ANO7: variants seen among roughly 807,000 people sequenced by gnomAD.
ANO7 encodes anoctamin 7.
ANO7 carries 114 observed loss-of-function variants against 115.8 expected under a neutral mutation model. That is an observed-to-expected ratio of 0.98 (90% CI 0.85 to 1.15). The LOEUF (loss-of-function observed/expected upper bound fraction) is 1.15, where lower values mean the gene tolerates loss of function less well. Among genes scored for constraint, ANO7 ranks in the 50% most tolerant of loss-of-function variants. The pLI is 0.00. For synonymous variants in ANO7, 550 were observed against 498.2 expected (o/e 1.10, Z -1.38); for missense variants, 1,302 against 1,201.2 (o/e 1.08, Z -1.24).
chr2:241,212,324 G>C, intron 16 of ANO7, 119 bp downstream of exon 16: 1 of 1,090,418 alleles, frequency 9.2e-7, no homozygotes, highest in Non-Finnish European at 1.4e-6. Context: ...GGACGGAACC[G>C]GAGACCCAGG....
At chr2:241,196,877 G>C (rs987829400) in intron 4 of ANO7, among the ~76,000 whole-genome samples, 1 of 120,320 alleles carries the variant, frequency 8.3e-6, no homozygotes, top group Non-Finnish European at 1.8e-5. Flanking sequence ...GTGTGTGTGT[G>C]TGTGTGTCCT....
Position 241,216,198 on chromosome 2 carries a change from T to C in ANO7, c.1932T>C (p.Leu644=). 6.2e-7 allele frequency: 1 copy of C among 1,612,232 alleles called. No individual in the cohort carries two copies. The highest frequency in any genetic ancestry group is 8.5e-7 in the Non-Finnish European group (1 of 1,179,508). ...SQGPWEDDYE[L]VPCEGLFDEY... ...GGCCCTGGGAGGACGACTATGAGCT[T>C]GTGCCCTGTGAGGGTCTGTTTGACG... Residue 644 remains leucine, a synonymous_variant, in exon 19 of 25, where the codon CTT becomes CTC. Transcript: ENST00000674324.
rs751688560 is a variant in ANO7, at chr2:241,203,488, C to T, written c.879C>T (p.Phe293=). 1.8e-5 allele frequency: 28 copies of T among 1,520,536 alleles called. No individual in the cohort carries two copies. The Admixed American group carries it at 2.7e-4, about 14-fold the overall frequency. The allele number at this position is 1,520,536 out of a possible 1,614,324, so 94.2% of individuals were successfully genotyped here. Residue 293 remains phenylalanine (F), a synonymous_variant, in exon 9 of 25, where the codon TTC becomes TTT. Coordinates refer to ENST00000674324, the MANE Select transcript of ANO7 (RefSeq NM_001370694.2). The surrounding 1 kb of genome is among the most constrained non-coding windows in gnomAD (Gnocchi z 4.8). ...RYFGEKVALY[F]AWLGFYTGWL... ...TCGGGGAGAAGGTGGCCCTCTACTTCGCCTGGCTCGGTGAGTCCCCCCCGC... is the reference window on the plus strand; with the variant it reads ...TCGGGGAGAAGGTGGCCCTCTACTTTGCCTGGCTCGGTGAGTCCCCCCCGC...
intron 21 of ANO7, among the ~76,000 whole-genome samples, 198 bp from the exon 22 acceptor site, chr2:241,222,988 C>T (rs1008005804): frequency 2.6e-5 from 4 of 152,280 alleles, no homozygotes; most frequent in Middle Eastern, 3.4e-3. Flanking sequence ...CCTTTGGAAC[C>T]CACCAGTTAA....
intron 15 of ANO7, 60 bp from the exon 16 acceptor site, chr2:241,212,034 G>T (rs2068729521): frequency 1.4e-6 from 2 of 1,381,244 alleles, no homozygotes; most frequent in Non-Finnish European, 2.1e-6. Context: ...AGGAGAGGGG[G>T]CCCCTAGTTG....
rs1009728403 is a variant in ANO7, at chr2:241,224,702, C to G, written c.*549C>G. On this transcript the variant is annotated 3_prime_UTR_variant, in exon 25 of 25. Transcript: ENST00000674324. ...GCCACAGCAAAGGTCTGTTGAACCC[C>G]TCCCTCCATTCCCAGTTATCTGGGT... 6.5e-6 allele frequency: 1 copy of G among 153,690 alleles called. No individual in the cohort carries two copies. The highest frequency in any genetic ancestry group is 2.4e-5 in the African/African-American group (1 of 41,478). 9.5% of individuals were successfully genotyped at this position (153,690 alleles called of 1,614,324 possible).
Position 241,193,286 on chromosome 2 carries a change from T to A in ANO7, c.166+2035T>A, listed in dbSNP as rs145206670. On this transcript the variant is annotated intron_variant, in intron 3 of 24. Transcript: ENST00000674324. Reference sequence around the variant, plus strand: ...GGTTTCGCCATGTTGGTTGGGCAGGTCTTGAACTCCTGACCTCAGGTGATC... The same window carrying A: ...GGTTTCGCCATGTTGGTTGGGCAGGACTTGAACTCCTGACCTCAGGTGATC... Among the ~76,000 whole-genome samples, 222 of 152,224 alleles carry A rather than the reference T, an allele frequency of 1.5e-3. 1 individual carries two copies. Among genetic ancestry groups the A allele is most frequent in the African/African-American group, 5.2e-3 (214 of 41,542 alleles).
At chr2:241,202,111 G>C (rs1477229397) in intron 7 of ANO7, 83 bp from the exon 8 acceptor site, 2 of 1,189,092 alleles carry the variant, frequency 1.7e-6, no homozygotes, top group Middle Eastern at 1.9e-4. Flanking sequence ...CCATGGCCTT[G>C]GCCTAAAGAC....
chr2:241,223,726 AGATCAAAGT>A lies in ANO7; in HGVS notation c.2480_2488del (p.Ile827_Val829del). 6.2e-7 allele frequency: 1 copy of A among 1,614,140 alleles called. No homozygotes were observed. The highest frequency in any genetic ancestry group is 1.3e-5 in the African/African-American group (1 of 75,030). On this transcript the variant is annotated inframe_deletion, in exon 23 of 25. Transcript: ENST00000674324. ...GTGCCTGACATCCCAGAGTCTGTGG[AGATCAAAGT>A]GAAGCGGGAGTACTACCTGGCTAAG...
chr2:241,239,527 G>A, the ANO7 span: 3 of 1,231,260 alleles, frequency 2.4e-6, no homozygotes, highest in South Asian at 2.6e-5. This position sits in a 1 kb window ranked among gnomAD's most constrained non-coding sequence, Gnocchi z 4.6. Flanking sequence ...ACAGGGTGGA[G>A]CGAACACTCA....
chr2:241,194,923 C>A (rs1292168303), intron 3 of ANO7, among the ~76,000 whole-genome samples: 1 of 152,184 alleles, frequency 6.6e-6, no homozygotes, highest in African/African-American at 2.4e-5. Flanking sequence ...GTGTGGCCTG[C>A]GAGTCTCTGC....
Position 241,204,934 on chromosome 2 carries a change from T to C in ANO7, c.959T>C (p.Leu320Pro), listed in dbSNP as rs776666409. The change falls in exon 10 of 25, where the codon CTG becomes CCG. Residue 320 changes from leucine (L) to proline (P), a missense_variant. Leu to Pro is a moderately conservative substitution (Grantham distance 98). Transcript: ENST00000674324. ...GTLVFLVGCF[L>P]VFSDIPTQEL... ...CTGGTGTTCCTGGTGGGCTGCTTCC[T>C]GGTGTTCTCAGACATACCCACGTGA... 6.2e-7 allele frequency: 1 copy of C among 1,614,090 alleles called. No individual in the cohort carries two copies. Among genetic ancestry groups the C allele is most frequent in the South Asian group, 1.1e-5 (1 of 91,086 alleles).
intron 17 of ANO7, among the ~76,000 whole-genome samples, chr2:241,214,452 G>C (rs142786222): frequency 6.6e-6 from 1 of 152,328 alleles, no homozygotes; most frequent in East Asian, 1.9e-4. Context: ...CCACTGGCTC[G>C]AACTGGGTCA....
chr2:241,234,081 G>T, the ANO7 span: 1 of 1,105,054 alleles, frequency 9.0e-7, no homozygotes, highest in Non-Finnish European at 1.3e-6. Context: ...GTAACCCGTG[G>T]TCCGGAATGG....
intron 17 of ANO7, among the ~76,000 whole-genome samples, chr2:241,213,141 C>T (rs906070903): frequency 1.1e-4 from 16 of 147,860 alleles, no homozygotes; most frequent in Admixed American, 4.0e-4. Flanking sequence ...TCATGGCACA[C>T]GGCCCGCAGG....
chr2:241,204,813 G>A, intron 9 of ANO7, 52 bp from the exon 10 acceptor site: 1 of 1,500,806 alleles, frequency 6.7e-7, no homozygotes, highest in Non-Finnish European at 9.2e-7. Flanking sequence ...CCCCTACCTG[G>A]GGCCCCCAAG....
rs1051905795 is a variant in ANO7, at chr2:241,207,472, G to C, written c.981-102G>C. The C allele has an allele frequency of 2.0e-5, 17 of 858,608 alleles. No individual in the cohort carries two copies. In the Admixed American group the frequency reaches 3.2e-4, roughly 16 times the overall value. 53.2% of individuals were successfully genotyped at this position (858,608 alleles called of 1,614,324 possible). A position where few individuals can be genotyped will look rare whatever the true frequency, so the allele number is the denominator to read the frequency against. On this transcript the variant is annotated intron_variant, in intron 10 of 24. Transcript: ENST00000674324. ...GGCCTGGCAAAGGCAGTGGTGGACA[G>C]AGAGGACAAGGGAGAGAGAGGACAA...
At chr2:241,229,792 A>T, downstream of ANO7, 1 of 280,190 alleles carries the variant, frequency 3.6e-6, no homozygotes, top group Non-Finnish European at 6.4e-6. Flanking sequence ...CTGCCCGCCC[A>T]CCCTCCCTGG....
At chr2:241,193,699 A>C (rs1023869698) in intron 3 of ANO7, among the ~76,000 whole-genome samples, 6 of 152,338 alleles carry the variant, frequency 3.9e-5, no homozygotes, top group African/African-American at 1.4e-4. Flanking sequence ...TTTGTGTCTT[A>C]AAATCCATTT....
Sources: gnomAD v4.1 joint callset for allele counts (sites outside exome capture counted in the v4.1 genomes callset) on GRCh38, gnomAD v4.1.1 for gene constraint, Gnocchi (gnomAD v3.1) non-coding constraint, MANE v1.5 for transcripts, NCBI Gene and HGNC (gene_info 2026-07-23, HGNC 2026-07-21) for gene names.